Variants in DNAJC3 observed in about 807,000 individuals in gnomAD.
DNAJC3 encodes DnaJ heat shock protein family (Hsp40) member C3, also known as dnaJ homolog subfamily C member 3.
In DNAJC3, 38 loss-of-function variants were observed where a neutral mutation model predicts 68.6. That is an observed-to-expected ratio of 0.55 (90% CI 0.43 to 0.73). The LOEUF is 0.73. Among genes scored for constraint, DNAJC3 ranks in the 30% least tolerant of loss-of-function variants. DNAJC3 has a pLI of 0.00. For missense variants in DNAJC3, 526 were observed against 591.9 expected (o/e 0.89, Z 1.16); for synonymous variants, 203 against 204.0 (o/e 1.00, Z 0.04).
chr13:95,679,941 G>GATTTTCTAAA (rs1282514067), intron 1 of DNAJC3, among the ~76,000 whole-genome samples: 2 of 152,146 alleles, frequency 1.3e-5, no homozygotes, highest in Non-Finnish European at 2.9e-5. Context: ...ATTTGCCTTT[G>GATTTTCTAAA]TTTTCTTCTA....
chr13:95,787,558 A>C (rs1324562771), intron 11 of DNAJC3, among the ~76,000 whole-genome samples: 2 of 152,174 alleles, frequency 1.3e-5, no homozygotes. Flanking sequence ...GCTGGATTAC[A>C]TGGAGTGGGA....
chr13:95,781,605 G>A (rs541365072), intron 9 of DNAJC3, among the ~76,000 whole-genome samples: 38 of 152,232 alleles, frequency 2.5e-4, no homozygotes, highest in South Asian at 8.3e-4. Context: ...ATCCTAAGCT[G>A]GTGATTTGCA....
intron 2 of DNAJC3, among the ~76,000 whole-genome samples, chr13:95,714,783 A>G (rs1321196547): frequency 6.6e-6 from 1 of 152,228 alleles, no homozygotes; most frequent in African/African-American, 2.4e-5. Flanking sequence ...CTTACCTACT[A>G]CCATTAGAAT....
At chr13:95,755,388 T>G (rs2139670828) in intron 4 of DNAJC3, among the ~76,000 whole-genome samples, 1 of 151,870 alleles carries the variant, frequency 6.6e-6, no homozygotes, top group African/African-American at 2.4e-5. Context: ...GAGCTGGAGA[T>G]TGCAGTGAGC....
At chr13:95,786,716 G>A (rs1793257180) in intron 10 of DNAJC3, among the ~76,000 whole-genome samples, 2 of 152,104 alleles carry the variant, frequency 1.3e-5, no homozygotes, top group Admixed American at 6.5e-5. Flanking sequence ...TGGAAATTCA[G>A]AAAGTTAAAA....
At chr13:95,702,842 A>G (rs1445636743) in intron 1 of DNAJC3, among the ~76,000 whole-genome samples, 2 of 152,204 alleles carry the variant, frequency 1.3e-5, no homozygotes, top group Non-Finnish European at 2.9e-5. Flanking sequence ...CCCATACCCT[A>G]ATGGAGAAGA....
chr13:95,723,104 T>C lies in DNAJC3; in HGVS notation c.194-138T>C, dbSNP rs151091837. 3.6e-4 allele frequency: 301 copies of C among 835,942 alleles called. 2 individuals carry two copies. In the East Asian group the frequency reaches 7.4e-3, roughly 21 times the overall value. 51.8% of individuals were successfully genotyped at this position (835,942 alleles called of 1,614,324 possible). On this transcript the variant is annotated intron_variant, in intron 2 of 11. Transcript: ENST00000602402. ...CTGATCTTGCTAGGCAACATGACTCTTTTTTGATGATGAGATTCTTTTCTT... is the reference window on the plus strand; with the variant it reads ...CTGATCTTGCTAGGCAACATGACTCCTTTTTGATGATGAGATTCTTTTCTT...
intron 11 of DNAJC3, among the ~76,000 whole-genome samples, chr13:95,789,690 T>A (rs1029509188): frequency 6.6e-6 from 1 of 152,222 alleles, no homozygotes; most frequent in Non-Finnish European, 1.5e-5. Context: ...ATTGCTGAGT[T>A]GAATGGTATT....
At chr13:95,783,495 G>A (rs1197239056) in intron 9 of DNAJC3, among the ~76,000 whole-genome samples, 1 of 152,100 alleles carries the variant, frequency 6.6e-6, no homozygotes, top group Non-Finnish European at 1.5e-5. Flanking sequence ...TGTGTTATGG[G>A]TGTTCATTGT....
At chr13:95,773,155 T>TG (rs1883201366) in intron 9 of DNAJC3, among the ~76,000 whole-genome samples, 2 of 146,212 alleles carry the variant, frequency 1.4e-5, no homozygotes, top group Admixed American at 6.7e-5. Context: ...AAATTTAGTT[T>TG]TTTTTTTTTT....
intron 1 of DNAJC3, among the ~76,000 whole-genome samples, chr13:95,707,533 G>A (rs1423585264): frequency 6.6e-6 from 1 of 152,092 alleles, no homozygotes; most frequent in Non-Finnish European, 1.5e-5. Context: ...GAGGAACTTA[G>A]CACTGCACTG....
intron 4 of DNAJC3, among the ~76,000 whole-genome samples, chr13:95,732,293 A>G (rs1212453594): frequency 6.6e-6 from 1 of 152,148 alleles, no homozygotes; most frequent in Non-Finnish European, 1.5e-5. Flanking sequence ...TTGGCAATGA[A>G]TCCATCCAGT....
At chr13:95,767,494 A>G (rs1883023467) in intron 9 of DNAJC3, among the ~76,000 whole-genome samples, 1 of 152,218 alleles carries the variant, frequency 6.6e-6, no homozygotes, top group East Asian at 1.9e-4. Flanking sequence ...TGGGTGTGCA[A>G]ATATCTCTGA....
At position 95,721,795 on chromosome 13, in the gene DNAJC3, T is replaced by G. The variant is rs78952524; in HGVS notation, c.194-1447T>G. On this transcript the variant is annotated intron_variant, in intron 2 of 11. Coordinates refer to ENST00000602402, the MANE Select transcript of DNAJC3 (RefSeq NM_006260.5). Reference sequence around the variant, plus strand: ...GCCATTTGTATGTCTTCTTTCATGTTTGGTTGTATAGCCTAATCTCTTTTT... The same window carrying G: ...GCCATTTGTATGTCTTCTTTCATGTGTGGTTGTATAGCCTAATCTCTTTTT... 4.6e-5 allele frequency among the ~76,000 whole-genome samples: 7 copies of G among 152,264 alleles called. No individual in the cohort carries two copies. The East Asian group carries it at 1.2e-3, about 25-fold the overall frequency.
intron 4 of DNAJC3, chr13:95,744,797 C>G (rs1429335867): frequency 6.6e-6 from 1 of 152,106 alleles, no homozygotes; most frequent in Non-Finnish European, 1.5e-5. Flanking sequence ...ACAAGAAATA[C>G]AAATTCAAAA....
At position 95,791,149 on chromosome 13, in the gene DNAJC3, T is replaced by A. The variant is rs1451005796; in HGVS notation, c.*119T>A. The A allele has an allele frequency of 2.2e-5, 26 of 1,199,452 alleles. No individual in the cohort carries two copies. The highest frequency in any genetic ancestry group is 2.7e-5 in the Non-Finnish European group (23 of 856,508). 74.3% of individuals were successfully genotyped at this position (1,199,452 alleles called of 1,614,324 possible). On this transcript the variant is annotated 3_prime_UTR_variant, in exon 12 of 12. Transcript: ENST00000602402. ...TTCAGTTTGTCCATGACCAAAGAGTTGCTTTAATAGGAAAAAATCTGTTCT... is the reference window on the plus strand; with the variant it reads ...TTCAGTTTGTCCATGACCAAAGAGTAGCTTTAATAGGAAAAAATCTGTTCT...
intron 1 of DNAJC3, among the ~76,000 whole-genome samples, chr13:95,687,500 G>T (rs994976895): frequency 6.6e-6 from 1 of 152,138 alleles, no homozygotes; most frequent in East Asian, 1.9e-4. Flanking sequence ...TATTGGCTGT[G>T]GGTTTGTCAT....
At chr13:95,718,039 C>G (rs6492817) in intron 2 of DNAJC3, among the ~76,000 whole-genome samples, 1 of 151,928 alleles carries the variant, frequency 6.6e-6, no homozygotes, top group Non-Finnish European at 1.5e-5. Flanking sequence ...TTTGATAGTT[C>G]TAGGATTCTG....
intron 3 of DNAJC3, 149 bp from the exon 4 acceptor site, chr13:95,725,029 C>G (rs1881459528): frequency 6.4e-6 from 3 of 470,750 alleles, no homozygotes; most frequent in African/African-American, 6.1e-5. Flanking sequence ...TTCATTGGTT[C>G]CAGGAATTAT....
Sources: allele counts gnomAD v4.1 joint callset (sites outside exome capture counted in the v4.1 genomes callset), GRCh38; gene constraint gnomAD v4.1.1; transcripts MANE v1.5; gene names NCBI Gene and HGNC (gene_info 2026-07-23, HGNC 2026-07-21).